FRMPD4: variants seen among roughly 807,000 people sequenced by gnomAD.
The protein encoded by FRMPD4 is FERM and PDZ domain-containing protein 4.
Under a neutral mutation model 94.1 loss-of-function variants are expected in FRMPD4, and 22 were observed. The observed-to-expected ratio is 0.23, with a 90% CI of 0.17 to 0.33. The LOEUF is 0.33. Ranked by LOEUF, FRMPD4 falls within the 10% of genes least tolerant of loss-of-function variation. FRMPD4 has a pLI of 1.00. For missense variants in FRMPD4, 1,111 were observed against 1,339.9 expected (o/e 0.83, Z 2.67); for synonymous variants, 631 against 548.6 (o/e 1.15, Z -2.10).
chrX:12,101,263 G>C (rs1251489554), intron 3 of FRMPD4, among the ~76,000 whole-genome samples: 1 of 111,494 alleles, frequency 9.0e-6, no homozygotes, highest in Non-Finnish European at 1.9e-5. Flanking sequence ...TGGACTTCCA[G>C]TATCTGGGAG....
intron 3 of FRMPD4, among the ~76,000 whole-genome samples, chrX:12,084,227 T>C (rs759609692): frequency 9.3e-6 from 1 of 107,792 alleles, no homozygotes; most frequent in Admixed American, 9.9e-5. Context: ...TGTGCTATTC[T>C]CATGATAATG....
At chrX:12,247,414 G>C (rs1313759273) in intron 1 of FRMPD4, among the ~76,000 whole-genome samples, 2 of 111,590 alleles carry the variant, frequency 1.8e-5, no homozygotes, top group East Asian at 5.6e-4. Flanking sequence ...GAGTGCCCGA[G>C]CTCCAAAATC....
At chrX:12,127,309 C>T (rs750456867) in intron 3 of FRMPD4, among the ~76,000 whole-genome samples, 1 of 111,523 alleles carries the variant, frequency 9.0e-6, no homozygotes, top group East Asian at 2.8e-4. Context: ...TTCCACATGG[C>T]TGGGGAGGCC....
intron 1 of FRMPD4, among the ~76,000 whole-genome samples, chrX:12,470,738 C>T (rs2148172266): frequency 8.9e-6 from 1 of 111,865 alleles, no homozygotes; most frequent in African/African-American, 3.2e-5. Flanking sequence ...TCCTGAGACC[C>T]TGTATGAGAA....
At chrX:12,685,559 T>TTG (rs375181615) in intron 6 of FRMPD4, among the ~76,000 whole-genome samples, 1 of 104,392 alleles carries the variant, frequency 9.6e-6, no homozygotes, top group East Asian at 3.0e-4. Context: ...TGGAGTTTTG[T>TTG]TTTTTGTTTT....
intron 2 of FRMPD4, among the ~76,000 whole-genome samples, chrX:12,600,977 G>A (rs5978555): frequency 0.06 from 6,744 of 111,745 alleles, 488 homozygotes; most frequent in African/African-American, 0.21. Flanking sequence ...TTATTGGATG[G>A]CATTAAATTT....
chrX:12,014,234 C>G (rs1167209356), intron 3 of FRMPD4, among the ~76,000 whole-genome samples: 11 of 111,613 alleles, frequency 9.9e-5, no homozygotes, highest in Non-Finnish European at 2.1e-4. Context: ...GGAGCAGGAG[C>G]TACTTAAAGT....
intron 1 of FRMPD4, among the ~76,000 whole-genome samples, chrX:11,850,577 A>G (rs770805227): frequency 8.9e-6 from 1 of 112,684 alleles, no homozygotes; most frequent in African/African-American, 3.2e-5. Context: ...TGAACAGATA[A>G]ACAAGATATG....
chrX:12,527,739 A>G (rs373015744), intron 2 of FRMPD4, among the ~76,000 whole-genome samples: 24 of 111,788 alleles, frequency 2.1e-4, no homozygotes, highest in African/African-American at 7.5e-4. Context: ...TCTGGAGCTC[A>G]ATGACGACAA....
intron 9 of FRMPD4, among the ~76,000 whole-genome samples, chrX:12,698,102 T>G (rs757858921): frequency 5.4e-5 from 6 of 111,493 alleles, no homozygotes; most frequent in Non-Finnish European, 1.1e-4. Context: ...AACAAAAGAG[T>G]AAGCAGGAGC....
intron 3 of FRMPD4, among the ~76,000 whole-genome samples, chrX:12,062,242 G>C (rs906304932): frequency 9.0e-6 from 1 of 111,095 alleles, no homozygotes; most frequent in Non-Finnish European, 1.9e-5. Flanking sequence ...AATGTATTGC[G>C]GTTATCTTTT....
chrX:12,431,621 A>G (rs1055263070), intron 1 of FRMPD4, among the ~76,000 whole-genome samples: 2 of 112,078 alleles, frequency 1.8e-5, no homozygotes, highest in Non-Finnish European at 3.8e-5. Flanking sequence ...AAAGGCCCGC[A>G]GAGTCATTGG....
At chrX:12,369,318 C>T (rs2056130377) in intron 1 of FRMPD4, among the ~76,000 whole-genome samples, 1 of 109,634 alleles carries the variant, frequency 9.1e-6, no homozygotes, top group African/African-American at 3.3e-5. Flanking sequence ...GGTCTGTCTC[C>T]AAACAAGATT....
At chrX:11,903,589 A>G (rs1056549099) in intron 3 of FRMPD4, among the ~76,000 whole-genome samples, 1 of 112,566 alleles carries the variant, frequency 8.9e-6, no homozygotes, top group Non-Finnish European at 1.9e-5. Context: ...CAAACTTAAA[A>G]GTCATCAAAT....
intron 3 of FRMPD4, among the ~76,000 whole-genome samples, chrX:12,065,814 A>G (rs1260817869): frequency 8.9e-6 from 1 of 112,201 alleles, no homozygotes; most frequent in Non-Finnish European, 1.9e-5. Flanking sequence ...TAATGTTTAT[A>G]TGTTTAGAAA....
chrX:11,877,416 G>T (rs1159549990), intron 2 of FRMPD4, among the ~76,000 whole-genome samples: 2 of 111,264 alleles, frequency 1.8e-5, no homozygotes, highest in Non-Finnish European at 3.8e-5. Flanking sequence ...TTCATCAGAG[G>T]CAGATGCTGA....
intron 3 of FRMPD4, among the ~76,000 whole-genome samples, chrX:11,906,273 G>A (rs936589919): frequency 4.6e-5 from 5 of 109,362 alleles, no homozygotes; most frequent in Non-Finnish European, 9.5e-5. Context: ...TCAACCTCCC[G>A]AGTAGCTGGG....
chrX:12,668,399 A>G (rs1208340455), intron 4 of FRMPD4, among the ~76,000 whole-genome samples: 1 of 111,443 alleles, frequency 9.0e-6, no homozygotes, highest in Admixed American at 9.6e-5. Flanking sequence ...TTCATTAAAT[A>G]GTAAAATTAA....
intron 1 of FRMPD4, among the ~76,000 whole-genome samples, chrX:12,210,419 A>G (rs2056741404): frequency 1.8e-5 from 2 of 111,245 alleles, no homozygotes; most frequent in African/African-American, 6.5e-5. Context: ...AATATGAACC[A>G]ATTAGAAGCG....
Sources: allele counts gnomAD v4.1 joint callset (sites outside exome capture counted in the v4.1 genomes callset), GRCh38; gene constraint gnomAD v4.1.1; transcripts MANE v1.5; gene names NCBI Gene and HGNC (gene_info 2026-07-23, HGNC 2026-07-21).